Variants in DOCK4 observed in about 807,000 individuals in gnomAD.
DOCK4 encodes the protein dedicator of cytokinesis protein 4.
Under a neutral mutation model 268.1 loss-of-function variants are expected in DOCK4, and 97 were observed. The ratio of observed to expected loss-of-function variants is 0.36; its 90% confidence interval spans 0.31 to 0.43. DOCK4 has a LOEUF of 0.43. Among genes scored for constraint, DOCK4 ranks in the 20% least tolerant of loss-of-function variants. DOCK4 has a pLI of 1.00. For synonymous variants in DOCK4, 954 were observed against 887.2 expected, an observed-to-expected ratio of 1.08 and a Z score of -1.34; for missense variants, 2,145 against 2,455.7, an observed-to-expected ratio of 0.87 and a Z score of 2.67.
intron 1 of DOCK4, among the ~76,000 whole-genome samples, chr7:112,074,394 C>T (rs1036352921): frequency 7.9e-5 from 12 of 152,166 alleles, no homozygotes; most frequent in African/African-American, 2.9e-4. Flanking sequence ...CATAGCCAAA[C>T]AGGAAGAAGG....
At chr7:112,122,255 T>C (rs868589270) in intron 1 of DOCK4, among the ~76,000 whole-genome samples, 2 of 152,132 alleles carry the variant, frequency 1.3e-5, no homozygotes, top group Admixed American at 6.6e-5. Context: ...TATATTCATA[T>C]TGTTGTAAAA....
intron 30 of DOCK4, among the ~76,000 whole-genome samples, chr7:111,800,703 C>T (rs1800211502): frequency 6.6e-6 from 1 of 152,068 alleles, no homozygotes; most frequent in Non-Finnish European, 1.5e-5. Flanking sequence ...TAACCAAACT[C>T]CAAACAGTGC....
At chr7:112,131,865 G>C (rs758168565) in intron 1 of DOCK4, among the ~76,000 whole-genome samples, 1 of 152,154 alleles carries the variant, frequency 6.6e-6, no homozygotes, top group African/African-American at 2.4e-5. Flanking sequence ...TATTGGTATG[G>C]GGGGAGGAGG....
intron 13 of DOCK4, among the ~76,000 whole-genome samples, chr7:111,909,710 A>G (rs1306983479): frequency 1.3e-5 from 2 of 152,240 alleles, no homozygotes; most frequent in African/African-American, 2.4e-5. Context: ...CTGTAATTGC[A>G]GCACTTTGGG....
At position 111,874,966 on chromosome 7, in the gene DOCK4, C is replaced by T. The variant is rs531974099; in HGVS notation, c.1744+2064G>A. Among the ~76,000 whole-genome samples, 147 of 152,268 alleles carry T rather than the reference C, an allele frequency of 9.7e-4. 1 individual carries two copies. Among genetic ancestry groups the T allele is most frequent in the African/African-American group, 3.3e-3 (139 of 41,548 alleles). ...AGAAATAAGATTTGTATATTTTCCACGTCAAGAAAAATGAATACATAGCAA... is the reference window on the plus strand; with the variant it reads ...AGAAATAAGATTTGTATATTTTCCATGTCAAGAAAAATGAATACATAGCAA... On this transcript the variant is annotated intron_variant, in intron 17 of 52. Coordinates refer to ENST00000428084, the MANE Select transcript of DOCK4 (RefSeq NM_001363540.2).
chr7:111,787,982 T>C (rs1477821998), intron 32 of DOCK4, among the ~76,000 whole-genome samples: 1 of 152,224 alleles, frequency 6.6e-6, no homozygotes, highest in African/African-American at 2.4e-5. Flanking sequence ...CTGTATCTTC[T>C]GGCCATTTAA....
At chr7:112,109,279 A>T (rs1811413711) in intron 1 of DOCK4, among the ~76,000 whole-genome samples, 1 of 152,102 alleles carries the variant, frequency 6.6e-6, no homozygotes, top group African/African-American at 2.4e-5. Flanking sequence ...ACAAACACAC[A>T]AAAAACCTTT....
chr7:111,862,186 C>G (rs1039492239), intron 23 of DOCK4, among the ~76,000 whole-genome samples: 1 of 151,838 alleles, frequency 6.6e-6, no homozygotes, highest in African/African-American at 2.4e-5. Context: ...ATAATCCCAG[C>G]TACTCAGGAG....
chr7:112,031,724 G>C (rs1389873259), intron 1 of DOCK4, among the ~76,000 whole-genome samples: 1 of 152,130 alleles, frequency 6.6e-6, no homozygotes, highest in African/African-American at 2.4e-5. Context: ...ATTGCCACGG[G>C]AAGAGTGCTT....
chr7:111,751,642 G>T (rs1288962233), intron 42 of DOCK4, among the ~76,000 whole-genome samples: 1 of 152,126 alleles, frequency 6.6e-6, no homozygotes, highest in Non-Finnish European at 1.5e-5. Context: ...ACAGGGTTTT[G>T]CCATATTGGC....
intron 26 of DOCK4, among the ~76,000 whole-genome samples, chr7:111,826,509 T>TA (rs1417597849): frequency 1.3e-5 from 2 of 152,010 alleles, no homozygotes; most frequent in African/African-American, 2.4e-5. Context: ...AGGATAGGCT[T>TA]AAAAAATGTG....
At chr7:111,769,712 G>T in intron 36 of DOCK4, 35 bp from the exon 37 acceptor site, 1 of 1,595,524 alleles carries the variant, frequency 6.3e-7, no homozygotes, top group Admixed American at 1.7e-5. Context: ...GATTGAGACA[G>T]GACCCCAAGC....
At chr7:112,104,714 GA>G (rs1227419263) in intron 1 of DOCK4, among the ~76,000 whole-genome samples, 1 of 152,136 alleles carries the variant, frequency 6.6e-6, no homozygotes, top group African/African-American at 2.4e-5. Flanking sequence ...AATATAGAAA[GA>G]ATATAAAAAG....
intron 41 of DOCK4, among the ~76,000 whole-genome samples, chr7:111,756,809 A>T (rs904829742): frequency 7.2e-5 from 11 of 152,052 alleles, no homozygotes; most frequent in African/African-American, 2.4e-4. Flanking sequence ...TGCTGAGATG[A>T]ATAGGGCAGA....
At chr7:111,937,479 T>C (rs1794834441) in intron 11 of DOCK4, among the ~76,000 whole-genome samples, 1 of 152,236 alleles carries the variant, frequency 6.6e-6, no homozygotes, top group African/African-American at 2.4e-5. Context: ...TTTGTCTTCA[T>C]GAGTGTGACT....
intron 1 of DOCK4, among the ~76,000 whole-genome samples, chr7:112,029,153 T>C (rs150989710): frequency 5.2e-4 from 79 of 152,290 alleles, no homozygotes; most frequent in South Asian, 1.9e-3. Flanking sequence ...CTGTGCTCCA[T>C]CACTGGCGTC....
intron 28 of DOCK4, among the ~76,000 whole-genome samples, chr7:111,810,151 A>C (rs1655094163): frequency 6.6e-6 from 1 of 152,194 alleles, no homozygotes; most frequent in African/African-American, 2.4e-5. Context: ...TAAGTAAAAT[A>C]ATGAATAAAA....
intron 1 of DOCK4, among the ~76,000 whole-genome samples, chr7:112,055,631 G>A (rs1805743448): frequency 6.6e-6 from 1 of 152,174 alleles, no homozygotes; most frequent in Non-Finnish European, 1.5e-5. Context: ...CCTAGGGCAG[G>A]GCGCGGTAGC....
At chr7:111,978,264 C>T (rs954448850) in intron 7 of DOCK4, among the ~76,000 whole-genome samples, 2 of 152,172 alleles carry the variant, frequency 1.3e-5, no homozygotes, top group African/African-American at 4.8e-5. Flanking sequence ...CAGTATCTTG[C>T]TCTACTGCCT....
Sources: allele counts gnomAD v4.1 joint callset (sites outside exome capture counted in the v4.1 genomes callset), GRCh38; gene constraint gnomAD v4.1.1; transcripts MANE v1.5; gene names NCBI Gene and HGNC (gene_info 2026-07-23, HGNC 2026-07-21).